CTNND2: variants seen among roughly 807,000 people sequenced by gnomAD.
CTNND2 encodes catenin delta 2, also known as catenin delta-2.
A neutral mutation model predicts 144.4 loss-of-function variants in CTNND2; 22 were observed. The ratio of observed to expected loss-of-function variants is 0.15; its 90% CI spans 0.11 to 0.22. CTNND2 has a LOEUF of 0.22. Ranked by LOEUF, CTNND2 falls within the 10% of genes least tolerant of loss-of-function variation. The pLI is 1.00. For synonymous variants in CTNND2, 751 were observed against 695.6 expected, an observed-to-expected ratio of 1.08 and a Z score of -1.25; for missense variants, 1,353 against 1,618.8, an observed-to-expected ratio of 0.84 and a Z score of 2.82.
intron 3 of CTNND2, among the ~76,000 whole-genome samples, chr5:11,429,207 G>C (rs954641844): frequency 9.2e-5 from 14 of 152,136 alleles, no homozygotes; most frequent in Non-Finnish European, 1.8e-4. Flanking sequence ...GTTAAACTCT[G>C]TCCATCCTAT....
intron 2 of CTNND2, among the ~76,000 whole-genome samples, chr5:11,699,386 C>T (rs767501629): frequency 1.3e-4 from 20 of 151,666 alleles, no homozygotes; most frequent in Non-Finnish European, 2.6e-4. Context: ...CCTGAGGATA[C>T]GATGAGGATG....
intron 11 of CTNND2, among the ~76,000 whole-genome samples, chr5:11,187,015 A>G (rs992791449): frequency 1.3e-5 from 2 of 152,188 alleles, no homozygotes; most frequent in Non-Finnish European, 2.9e-5. Context: ...CTTGGTCCAC[A>G]AGAAAGAAAT....
intron 10 of CTNND2, among the ~76,000 whole-genome samples, chr5:11,209,719 G>A (rs953845252): frequency 6.6e-6 from 1 of 152,126 alleles, no homozygotes; most frequent in Non-Finnish European, 1.5e-5. Context: ...TCAGGAGATT[G>A]AGACCATCCT....
At chr5:11,124,198 G>A (rs549687212) in intron 12 of CTNND2, among the ~76,000 whole-genome samples, 2 of 152,102 alleles carry the variant, frequency 1.3e-5, no homozygotes, top group African/African-American at 4.8e-5. Flanking sequence ...TCTTGCTTAG[G>A]CTAAGCAGAG....
At chr5:11,327,903 G>A (rs1752694385) in intron 9 of CTNND2, among the ~76,000 whole-genome samples, 1 of 152,122 alleles carries the variant, frequency 6.6e-6, no homozygotes, top group African/African-American at 2.4e-5. Flanking sequence ...CAGAAAAGGT[G>A]TTAACAAGTT....
chr5:11,375,588 T>C (rs1252484292), intron 7 of CTNND2, among the ~76,000 whole-genome samples: 2 of 152,218 alleles, frequency 1.3e-5, no homozygotes, highest in Non-Finnish European at 2.9e-5. Flanking sequence ...TATGTATGTA[T>C]AATGATCATT....
At chr5:11,143,300 T>C (rs1424703440) in intron 12 of CTNND2, among the ~76,000 whole-genome samples, 3 of 152,210 alleles carry the variant, frequency 2.0e-5, no homozygotes, top group African/African-American at 7.2e-5. Flanking sequence ...AGAGCTGCTG[T>C]AAAACATTAC....
intron 9 of CTNND2, among the ~76,000 whole-genome samples, chr5:11,270,477 A>G (rs1478107848): frequency 6.6e-6 from 1 of 152,152 alleles, no homozygotes; most frequent in African/African-American, 2.4e-5. Flanking sequence ...GTGGTAAAAA[A>G]AAAAAAAAAA....
intron 20 of CTNND2, among the ~76,000 whole-genome samples, chr5:10,986,187 G>C (rs1219270755): frequency 1.3e-5 from 2 of 152,260 alleles, no homozygotes; most frequent in East Asian, 3.9e-4. Context: ...CAAGATCCCT[G>C]CCATTTTCTA....
chr5:11,068,848 C>T (rs1019627840), intron 16 of CTNND2, among the ~76,000 whole-genome samples: 2 of 152,184 alleles, frequency 1.3e-5, no homozygotes, highest in East Asian at 1.9e-4. Flanking sequence ...ACCTGGGAGG[C>T]GAAGCTTGCA....
intron 1 of CTNND2, among the ~76,000 whole-genome samples, chr5:11,877,468 A>T (rs149376620): frequency 1.4e-4 from 22 of 152,272 alleles, no homozygotes; most frequent in African/African-American, 5.3e-4. Context: ...TCTTAGAATC[A>T]TCATTATAAA....
At chr5:11,179,086 G>A (rs563061489) in intron 11 of CTNND2, among the ~76,000 whole-genome samples, 113 of 152,194 alleles carry the variant, frequency 7.4e-4, no homozygotes, top group Non-Finnish European at 1.1e-3. Flanking sequence ...TCTCTTGGAT[G>A]GACACATTTC....
intron 1 of CTNND2, among the ~76,000 whole-genome samples, chr5:11,870,074 C>A (rs568893351): frequency 6.6e-6 from 1 of 152,256 alleles, no homozygotes; most frequent in African/African-American, 2.4e-5. Flanking sequence ...CATCCACTAC[C>A]ACAATGCCTA....
intron 16 of CTNND2, among the ~76,000 whole-genome samples, chr5:11,024,038 T>C (rs1742559830): frequency 1.3e-5 from 2 of 152,238 alleles, no homozygotes; most frequent in South Asian, 4.1e-4. Flanking sequence ...AGCTAGCTCC[T>C]AAAGGCTGTT....
chr5:11,817,768 C>T (rs1793072179), intron 1 of CTNND2, among the ~76,000 whole-genome samples: 1 of 151,970 alleles, frequency 6.6e-6, no homozygotes, highest in African/African-American at 2.4e-5. Context: ...CATGGTTCAG[C>T]TCAATCAGGG....
intron 3 of CTNND2, among the ~76,000 whole-genome samples, chr5:11,493,021 A>G (rs1310346304): frequency 6.6e-6 from 1 of 152,130 alleles, no homozygotes; most frequent in Non-Finnish European, 1.5e-5. Context: ...AGATTGCGCC[A>G]CTACACTCCA....
At chr5:11,418,977 T>C (rs1762121001) in intron 3 of CTNND2, among the ~76,000 whole-genome samples, 1 of 150,916 alleles carries the variant, frequency 6.6e-6, no homozygotes, top group Admixed American at 6.6e-5. Flanking sequence ...TACACATTAA[T>C]ACATATACAT....
At chr5:11,708,368 A>G (rs1785834918) in intron 2 of CTNND2, among the ~76,000 whole-genome samples, 1 of 152,234 alleles carries the variant, frequency 6.6e-6, no homozygotes, top group Admixed American at 6.5e-5. Flanking sequence ...AAGGGGGCCA[A>G]GAAATCTCCT....
intron 1 of CTNND2, among the ~76,000 whole-genome samples, chr5:11,829,000 A>AT (rs1793748108): frequency 6.6e-6 from 1 of 152,162 alleles, no homozygotes; most frequent in Non-Finnish European, 1.5e-5. Flanking sequence ...GACACTTGTT[A>AT]TGTTTTAGAA....
Sources: allele counts gnomAD v4.1 joint callset (sites outside exome capture counted in the v4.1 genomes callset), GRCh38; gene constraint gnomAD v4.1.1; transcripts MANE v1.5; gene names NCBI Gene and HGNC (gene_info 2026-07-23, HGNC 2026-07-21).